HMCN2: variants seen among roughly 807,000 people sequenced by gnomAD.
HMCN2 encodes hemicentin-2.
HMCN2 carries 325 observed loss-of-function variants against 377.5 expected under a neutral mutation model. That is an observed-to-expected ratio of 0.86 (90% CI 0.79 to 0.94). The LOEUF (loss-of-function observed/expected upper bound fraction) is 0.94. Ranked by LOEUF, HMCN2 falls within the 40% of genes least tolerant of loss-of-function variation. The pLI, the probability that HMCN2 is intolerant of heterozygous loss-of-function variation, is 0.00. For missense variants in HMCN2, 4,543 were observed against 4,725.3 expected (o/e 0.96, Z 1.13); for synonymous variants, 2,007 against 2,046.8 (o/e 0.98, Z 0.53).
rs1554935294 is a variant in HMCN2, at chr9:130,303,493, G to A, written c.1428G>A (p.Ser476=). The change falls in exon 10 of 98, where the codon TCG becomes TCA. Residue 476 remains serine (S), a synonymous_variant. Coordinates refer to ENST00000683500, the MANE Select transcript of HMCN2 (RefSeq NM_001291815.2). The surrounding 1 kb of genome is among the most constrained non-coding windows in gnomAD (Gnocchi z 5.2). The part of the protein sequence containing the change: ...RLGEERHFQE[S]GNSSWEILRA... ...CACTGTTCCCTGTTTGCAGGGAGTC[G>A]GGAAACAGCAGCTGGGAGATCCTGC... 4 of 451,196 alleles carry A rather than the reference G, an allele frequency of 8.9e-6. No individual in the cohort carries two copies. Among genetic ancestry groups the A allele is most frequent in the South Asian group, 3.2e-5 (2 of 62,536 alleles). The allele number at this position is 451,196 out of a possible 1,614,324, so 27.9% of individuals were successfully genotyped here. A position where few individuals can be genotyped will look rare whatever the true frequency, so the allele number is the denominator to read the frequency against.
chr9:130,369,470 G>A lies in HMCN2; in HGVS notation c.6788-100G>A, dbSNP rs1564823932. 3.1e-6 allele frequency: 2 copies of A among 655,426 alleles called. No homozygotes were observed. The highest frequency in any genetic ancestry group is 2.0e-5 in the African/African-American group (1 of 50,760). The allele number at this position is 655,426 out of a possible 1,614,324, so 40.6% of individuals were successfully genotyped here. A position where few individuals can be genotyped will look rare whatever the true frequency, so the allele number is the denominator to read the frequency against. On this transcript the variant is annotated intron_variant, in intron 44 of 97. Transcript: ENST00000683500. The surrounding 1 kb of genome is among the most constrained non-coding windows in gnomAD (Gnocchi z 4.5). ...TCACGAGGTCACACAGCCAGCGATG[G>A]CAAGGGGAGAGGGTGTGTCCCTATT...
chr9:130,404,783 G>A, intron 80 of HMCN2, 86 bp from the exon 81 acceptor site: 1 of 975,946 alleles, frequency 1.0e-6, no homozygotes, highest in Non-Finnish European at 1.3e-6. Context: ...GAGGGCTGAA[G>A]GGCTGGGCCA....
intron 32 of HMCN2, among the ~76,000 whole-genome samples, chr9:130,355,530 A>T (rs890785319): frequency 1.3e-5 from 2 of 152,208 alleles, no homozygotes; most frequent in Non-Finnish European, 2.9e-5. Flanking sequence ...AGGGAGGCAG[A>T]TGTTAAATAA....
At position 130,393,830 on chromosome 9, in the gene HMCN2, C is replaced by A; in HGVS notation, c.10323C>A (p.Gly3441=). ...SLVELPCEAR[G]VPLPLVSWMK... ...TGGAACTCCCGTGCGAGGCCCGGGG[C>A]GTTCCCCTGCCTCTCGTGTCGTGGA... Residue 3441 remains glycine, a synonymous_variant, in exon 68 of 98, where the codon GGC becomes GGA. Coordinates refer to ENST00000683500, the MANE Select transcript of HMCN2 (RefSeq NM_001291815.2). The surrounding 1 kb of genome is among the most constrained non-coding windows in gnomAD (Gnocchi z 5.2). The A allele has an allele frequency of 7.8e-7, 1 of 1,289,116 alleles. No homozygotes were observed. 79.9% of individuals were successfully genotyped at this position (1,289,116 alleles called of 1,614,324 possible).
intron 43 of HMCN2, among the ~76,000 whole-genome samples, chr9:130,366,316 A>G (rs1263207557): frequency 6.6e-6 from 1 of 152,010 alleles, no homozygotes; most frequent in Non-Finnish European, 1.5e-5. Flanking sequence ...AGTCCCTGTC[A>G]CTTGTCATGT....
Position 130,428,395 on chromosome 9 carries a change from A to G in HMCN2, c.14103A>G (p.Arg4701=). Residue 4701 remains arginine, a synonymous_variant, in exon 93 of 98, where the codon CGA becomes CGG. Transcript: ENST00000683500. This position sits in a 1 kb window ranked among gnomAD's most constrained non-coding sequence, Gnocchi z 5.0. ...DECAWDAHLC[R]EGQRCVNLLG... ...GTGCGTGGGATGCTCACCTCTGCCG[A>G]GAGGGACAGCGCTGTGTGAACCTGC... is the stretch of plus-strand genomic sequence containing the variant. 1 of 1,548,078 alleles carries G rather than the reference A, an allele frequency of 6.5e-7. No individual in the cohort carries two copies. Among genetic ancestry groups the G allele is most frequent in the African/African-American group, 1.4e-5 (1 of 73,148 alleles).
At chr9:130,385,809 T>C (rs1460286011) in intron 60 of HMCN2, 47 bp downstream of exon 60, 40 of 1,256,260 alleles carry the variant, frequency 3.2e-5, no homozygotes, top group Non-Finnish European at 4.1e-5. Flanking sequence ...TGCAGGAAAG[T>C]CGCCTCCCAG....
intron 19 of HMCN2, among the ~76,000 whole-genome samples, chr9:130,323,479 G>C (rs929162864): frequency 6.6e-6 from 1 of 152,210 alleles, no homozygotes; most frequent in East Asian, 1.9e-4. Flanking sequence ...CAGAAGGGAC[G>C]ACCAGGGAAC....
At chr9:130,317,509 T>C (rs1172138908) in intron 15 of HMCN2, among the ~76,000 whole-genome samples, 4 of 140,488 alleles carry the variant, frequency 2.8e-5, no homozygotes, top group Admixed American at 6.9e-5. Flanking sequence ...CTCTCTCTTT[T>C]TTGTAGACAG....
At chr9:130,402,992 G>T in intron 78 of HMCN2, 96 bp downstream of exon 78, 1 of 1,035,916 alleles carries the variant, frequency 9.7e-7, no homozygotes, top group Non-Finnish European at 1.3e-6. Flanking sequence ...GTGAGGCCCC[G>T]GGTCTCAGAG....
rs1443926606 is a variant in HMCN2 at position 130,414,144 on chromosome 9, C to G, written c.12961+3492C>G. Among the ~76,000 whole-genome samples, 2 of 152,230 alleles carry G rather than the reference C, an allele frequency of 1.3e-5. No individual in the cohort carries two copies. Among genetic ancestry groups the G allele is most frequent in the Admixed American group, 6.5e-5 (1 of 15,278 alleles). On this transcript the variant is annotated intron_variant, in intron 85 of 97. Coordinates refer to ENST00000683500, the MANE Select transcript of HMCN2 (RefSeq NM_001291815.2). This position sits in a 1 kb window ranked among gnomAD's most constrained non-coding sequence, Gnocchi z 4.4. ...CCCTCGCCCCTGTACCGAGGCACTG[C>G]TCTCCCCACACTGGAGCAGGATGCT...
At chr9:130,421,686 G>T (rs2131799099) in intron 86 of HMCN2, among the ~76,000 whole-genome samples, 1 of 152,208 alleles carries the variant, frequency 6.6e-6, no homozygotes, top group Admixed American at 6.5e-5. Context: ...CCTCCCATGG[G>T]CCCCAGAGCA....
At position 130,414,076 on chromosome 9, in the gene HMCN2, C is replaced by A. The variant is rs939875008; in HGVS notation, c.12961+3424C>A. Among the ~76,000 whole-genome samples, 1 of 152,144 alleles carries A rather than the reference C, an allele frequency of 6.6e-6. No individual in the cohort carries two copies. The highest frequency in any genetic ancestry group is 2.4e-5 in the African/African-American group (1 of 41,436). On this transcript the variant is annotated intron_variant, in intron 85 of 97. Transcript: ENST00000683500. The surrounding 1 kb of genome is among the most constrained non-coding windows in gnomAD (Gnocchi z 4.4). ...TGGGAGGCAAACACCATGAAAAACACCCCTGCCCCATCATCACACCAACTG... is the reference window on the plus strand; with the variant it reads ...TGGGAGGCAAACACCATGAAAAACAACCCTGCCCCATCATCACACCAACTG...
Position 130,398,566 on chromosome 9 carries a change from C to A in HMCN2, c.11342C>A (p.Ala3781Asp). ...DLRVLEPPAI[A>D]PSPSNLTLTA... is the part of the protein sequence containing the mutation. ...CTCTCCCCAGAGCCTCCAGCCATCG[C>A]CCCCAGCCCCTCCAACCTGACCCTG... The change falls in exon 75 of 98, where the codon GCC becomes GAC. Residue 3781 changes from alanine (A) to aspartate (D), a missense_variant. This residue lies in a region of HMCN2 where 1,073 missense variants were observed against 1,319.5 expected (regional missense o/e 0.81). Transcript: ENST00000683500. 1 of 1,257,822 alleles carries A rather than the reference C, an allele frequency of 8.0e-7. No individual in the cohort carries two copies. The highest frequency in any genetic ancestry group is 5.7e-5 in the East Asian group (1 of 17,504). The allele number at this position is 1,257,822 out of a possible 1,614,324, so 77.9% of individuals were successfully genotyped here.
Position 130,304,951 on chromosome 9 carries a change from G to A in HMCN2, c.1765G>A (p.Ala589Thr), listed in dbSNP as rs1554936135. 1 of 471,162 alleles carries A rather than the reference G, an allele frequency of 2.1e-6. No individual in the cohort carries two copies. 29.2% of individuals were successfully genotyped at this position (471,162 alleles called of 1,614,324 possible). ...PTDGGRYQCV[A>T]SNANGVTRAS... ...AGACGGCGGGAGGTACCAGTGTGTGGCCAGCAATGCCAATGGGGTCACAAG... is the reference window on the plus strand; with the variant it reads ...AGACGGCGGGAGGTACCAGTGTGTGACCAGCAATGCCAATGGGGTCACAAG... Residue 589 changes from alanine (A) to threonine (T), a missense_variant, in exon 11 of 98, where the codon GCC (alanine) becomes ACC (threonine). Coordinates refer to ENST00000683500, the MANE Select transcript of HMCN2 (RefSeq NM_001291815.2). The surrounding 1 kb of genome is among the most constrained non-coding windows in gnomAD (Gnocchi z 4.3).
chr9:130,265,818 C>A lies in HMCN2; in HGVS notation c.-61C>A, dbSNP rs1048821734. 5 of 287,942 alleles carry A rather than the reference C, an allele frequency of 1.7e-5. No individual in the cohort carries two copies. Among genetic ancestry groups the A allele is most frequent in the African/African-American group, 1.2e-4 (5 of 42,034 alleles). 17.8% of individuals were successfully genotyped at this position (287,942 alleles called of 1,614,324 possible). ...CCTGCAGCCGCCGTGTGCACCGGGG[C>A]GGCCGGCTAGCTCCGACCTGCGCCT... On this transcript the variant is annotated 5_prime_UTR_variant, in exon 1 of 98. Transcript: ENST00000683500.
chr9:130,286,527 C>T (rs1017445003), intron 4 of HMCN2, among the ~76,000 whole-genome samples: 3 of 152,238 alleles, frequency 2.0e-5, no homozygotes, highest in East Asian at 3.8e-4. Flanking sequence ...CAAACCCTTC[C>T]ACCTGTCCCA....
intron 22 of HMCN2, among the ~76,000 whole-genome samples, chr9:130,331,948 C>T (rs1353418742): frequency 1.3e-5 from 2 of 152,212 alleles, no homozygotes; most frequent in African/African-American, 2.4e-5. Flanking sequence ...CACCACCCTC[C>T]TCTGCCCCTT....
At position 130,398,630 on chromosome 9, in the gene HMCN2, C is replaced by A. The variant is rs900247494; in HGVS notation, c.11406C>A (p.Ser3802Arg). 7.8e-7 allele frequency: 1 copy of A among 1,288,612 alleles called. No individual in the cohort carries two copies. Among genetic ancestry groups the A allele is most frequent in the African/African-American group, 1.5e-5 (1 of 65,864 alleles). 79.8% of individuals were successfully genotyped at this position (1,288,612 alleles called of 1,614,324 possible). The change falls in exon 75 of 98, where the codon AGC becomes AGA. Residue 3802 changes from serine to arginine, a missense_variant. Physicochemically the swap from Ser to Arg is moderately radical, Grantham distance 110. Coordinates refer to ENST00000683500, the MANE Select transcript of HMCN2 (RefSeq NM_001291815.2). Reference sequence around the variant, plus strand: ...CAGCCTTGCTGCCCTGCGAGGCCAGCGGCTCCCCTAAGCCCCTGGTGGTCT... The same window carrying A: ...CAGCCTTGCTGCCCTGCGAGGCCAGAGGCTCCCCTAAGCCCCTGGTGGTCT... ...HTPALLPCEA[S>R]GSPKPLVVWW...
Sources: allele counts gnomAD v4.1 joint callset (sites outside exome capture counted in the v4.1 genomes callset), GRCh38; gene constraint gnomAD v4.1.1; regional missense constraint gnomAD v4.1.1; non-coding constraint Gnocchi (gnomAD v3.1); transcripts MANE v1.5; gene names NCBI Gene and HGNC (gene_info 2026-07-23, HGNC 2026-07-21).